Variants in FRMD4B observed in about 807,000 individuals in gnomAD.
The protein encoded by FRMD4B is FERM domain-containing protein 4B.
A neutral mutation model predicts 141.5 loss-of-function variants in FRMD4B; 74 were observed. The observed-to-expected ratio is 0.52, with a 90% confidence interval of 0.43 to 0.63. The LOEUF (loss-of-function observed/expected upper bound fraction) is 0.63. Ranked by LOEUF, FRMD4B falls within the 30% of genes least tolerant of loss-of-function variation. The pLI is 0.00. For synonymous variants in FRMD4B, 506 were observed against 467.9 expected (o/e 1.08, Z -1.05); for missense variants, 1,366 against 1,253.4 (o/e 1.09, Z -1.36).
In FRMD4B at chr3:69,302,559, T is replaced by C. The variant is rs370277776; in HGVS notation, c.324-124A>G. 66 of 654,654 alleles carry C rather than the reference T, an allele frequency of 1.0e-4. 1 individual carries two copies. The East Asian group carries it at 1.2e-3, about 12-fold the overall frequency. 40.6% of individuals were successfully genotyped at this position (654,654 alleles called of 1,614,324 possible). A position where few individuals can be genotyped will look rare whatever the true frequency, so the allele number is the denominator to read the frequency against. On this transcript the variant is annotated intron_variant, in intron 3 of 22. Coordinates refer to ENST00000398540, the MANE Select transcript of FRMD4B (RefSeq NM_015123.3). ...ACACCGATGGTAGGAGCACAACCTGTTACAACTGGTAATGAGACCAACTCA... is the reference window on the plus strand; with the variant it reads ...ACACCGATGGTAGGAGCACAACCTGCTACAACTGGTAATGAGACCAACTCA...
chr3:69,192,432 T>G (rs760329193), intron 17 of FRMD4B, among the ~76,000 whole-genome samples: 5 of 152,078 alleles, frequency 3.3e-5, no homozygotes, highest in Non-Finnish European at 7.4e-5. Flanking sequence ...CCCAATTTCA[T>G]AGATGTTAAA....
intron 1 of FRMD4B, among the ~76,000 whole-genome samples, chr3:69,492,110 T>C (rs1706309188): frequency 6.6e-6 from 1 of 152,270 alleles, no homozygotes; most frequent in Admixed American, 6.5e-5. Flanking sequence ...GCAATCAAGA[T>C]TCCCTCTCAT....
At chr3:69,199,706 C>T (rs1438705106) in intron 11 of FRMD4B, among the ~76,000 whole-genome samples, 1 of 152,236 alleles carries the variant, frequency 6.6e-6, no homozygotes. Context: ...AGTGTCTGTA[C>T]ACTCTGATAT....
At position 69,454,369 on chromosome 3, in the gene FRMD4B, C is replaced by T. The variant is rs141461685; in HGVS notation, c.-128-21608G>A. ...GGAGCACTTCAGCCAGCTGCTGCAC[C>T]GTGGGAGCCCCTCTCTCTGGGCTGG... On this transcript the variant is annotated intron_variant, in intron 1 of 5. Transcript: ENST00000459638. Among the ~76,000 whole-genome samples, 531 of 152,314 alleles carry T rather than the reference C, an allele frequency of 3.5e-3. 6 individuals are homozygous for T. The highest frequency in any genetic ancestry group is 0.012 in the African/African-American group (493 of 41,582).
At chr3:69,194,999 A>G (rs1338100738) in intron 16 of FRMD4B, 23 bp downstream of exon 16, 1 of 1,604,226 alleles carries the variant, frequency 6.2e-7, no homozygotes, top group Non-Finnish European at 8.5e-7. Context: ...ATTAATTGAA[A>G]GGCTCAGAGG....
At chr3:69,215,490 A>G (rs979033259) in intron 11 of FRMD4B, among the ~76,000 whole-genome samples, 1 of 150,918 alleles carries the variant, frequency 6.6e-6, no homozygotes, top group Non-Finnish European at 1.5e-5. Flanking sequence ...ACGGGGTTAC[A>G]CCTTGTTGGC....
chr3:69,484,571 C>G (rs1427516536), intron 1 of FRMD4B, among the ~76,000 whole-genome samples: 1 of 152,094 alleles, frequency 6.6e-6, no homozygotes, highest in Non-Finnish European at 1.5e-5. Flanking sequence ...GTAGGCAGGT[C>G]ATCCCATCAA....
intron 1 of FRMD4B, among the ~76,000 whole-genome samples, chr3:69,498,643 T>C (rs952500888): frequency 2.0e-5 from 3 of 152,222 alleles, no homozygotes; most frequent in Non-Finnish European, 2.9e-5. Flanking sequence ...ATAACTTTCA[T>C]AGCTTAGAAC....
At chr3:69,200,306 C>A (rs539972666) in intron 11 of FRMD4B, 1 of 512,974 alleles carries the variant, frequency 1.9e-6, no homozygotes, top group South Asian at 8.3e-5. Flanking sequence ...GCACACATAG[C>A]TGTCTGTAAC....
rs567216877 is a variant in FRMD4B at position 69,323,602 on chromosome 3, C to T, written c.163-10085G>A. ...CAAAAACCCAACTCTCTCTCTCTCT[C>T]TCTGTGTATATATATATATATATAT... On this transcript the variant is annotated intron_variant, in intron 1 of 22. Coordinates refer to ENST00000398540, the MANE Select transcript of FRMD4B (RefSeq NM_015123.3). Among the ~76,000 whole-genome samples, 92 of 117,038 alleles carry T rather than the reference C, an allele frequency of 7.9e-4. 1 individual carries two copies. The South Asian group carries it at 0.018, about 23-fold the overall frequency. The allele number at this position is 117,038 out of a possible 152,430, so 76.8% of individuals were successfully genotyped here.
At chr3:69,293,392 C>T (rs1700933829) in intron 4 of FRMD4B, among the ~76,000 whole-genome samples, 1 of 140,112 alleles carries the variant, frequency 7.1e-6, no homozygotes, top group Admixed American at 7.5e-5. Context: ...GTGCCTCTTA[C>T]CTCTCTTGCC....
At chr3:69,394,094 T>TAAAC (rs1282187734) in intron 2 of FRMD4B, among the ~76,000 whole-genome samples, 1 of 152,234 alleles carries the variant, frequency 6.6e-6, no homozygotes, top group Non-Finnish European at 1.5e-5. Flanking sequence ...CTGAGTGGCC[T>TAAAC]AAACAACAGA....
At chr3:69,267,990 G>T (rs991243681) in intron 5 of FRMD4B, among the ~76,000 whole-genome samples, 5 of 151,744 alleles carry the variant, frequency 3.3e-5, no homozygotes, top group Admixed American at 2.6e-4. Context: ...ACCTTTTGAT[G>T]ACAATGTTCT....
At chr3:69,313,094 T>C (rs1424137446) in intron 2 of FRMD4B, among the ~76,000 whole-genome samples, 2 of 152,148 alleles carry the variant, frequency 1.3e-5, no homozygotes, top group Non-Finnish European at 2.9e-5. Flanking sequence ...CACCTCACAG[T>C]AATCCTTTCA....
intron 1 of FRMD4B, among the ~76,000 whole-genome samples, chr3:69,384,806 T>C (rs1406266425): frequency 6.6e-6 from 1 of 152,146 alleles, no homozygotes; most frequent in East Asian, 1.9e-4. Flanking sequence ...TGATGGAAGA[T>C]TATGGTTTGT....
At chr3:69,274,601 C>T (rs112989703) in intron 5 of FRMD4B, among the ~76,000 whole-genome samples, 5,950 of 152,232 alleles carry the variant, frequency 0.039, 156 homozygotes, top group East Asian at 0.1. Context: ...TCACTGCAAC[C>T]TCTGCTTCCC....
intron 2 of FRMD4B, among the ~76,000 whole-genome samples, chr3:69,426,579 A>T (rs1320792511): frequency 6.6e-6 from 1 of 152,154 alleles, no homozygotes; most frequent in African/African-American, 2.4e-5. Flanking sequence ...GGCAGAGGAA[A>T]GGAGGGGAGC....
chr3:69,466,209 A>G (rs950890202), intron 1 of FRMD4B, among the ~76,000 whole-genome samples: 1 of 152,086 alleles, frequency 6.6e-6, no homozygotes, highest in Non-Finnish European at 1.5e-5. Context: ...GTGTCTGTTC[A>G]TATCCTTTGC....
At chr3:69,483,710 A>G (rs138987630) in intron 1 of FRMD4B, among the ~76,000 whole-genome samples, 2,280 of 152,306 alleles carry the variant, frequency 0.015, 23 homozygotes, top group Non-Finnish European at 0.024. Flanking sequence ...GCCAACTTCT[A>G]AAAATAAAAG....
Sources: gnomAD v4.1 joint callset for allele counts (sites outside exome capture counted in the v4.1 genomes callset) on GRCh38, gnomAD v4.1.1 for gene constraint, MANE v1.5 for transcripts, NCBI Gene and HGNC (gene_info 2026-07-23, HGNC 2026-07-21) for gene names.